Variants in EML5 observed in about 807,000 individuals in gnomAD.
The protein encoded by EML5 is EMAP like 5, also known as echinoderm microtubule-associated protein-like 5.
A neutral mutation model predicts 250.0 loss-of-function variants in EML5; 120 were observed. That is an observed-to-expected ratio of 0.48 (90% CI 0.41 to 0.56). The LOEUF (loss-of-function observed/expected upper bound fraction) is 0.56, where lower values mean the gene tolerates loss of function less well. Ranked by LOEUF, EML5 falls within the 20% of genes least tolerant of loss-of-function variation. The pLI is 0.00. For missense variants in EML5, 2,006 were observed against 2,437.6 expected (o/e 0.82, Z 3.73); for synonymous variants, 771 against 806.5 (o/e 0.96, Z 0.75).
chr14:88,643,982 T>G (rs2091213953), intron 30 of EML5, among the ~76,000 whole-genome samples: 1 of 152,202 alleles, frequency 6.6e-6, no homozygotes, highest in African/African-American at 2.4e-5. Flanking sequence ...AATTATTACG[T>G]AAGGTTACTT....
Position 88,626,854 on chromosome 14 carries a change from G to A in EML5, c.4724C>T (p.Ala1575Val), listed in dbSNP as rs978813099. 1 of 1,613,886 alleles carries A rather than the reference G, an allele frequency of 6.2e-7. No individual in the cohort carries two copies. Among genetic ancestry groups the A allele is most frequent in the Non-Finnish European group, 8.5e-7 (1 of 1,179,842 alleles). The part of the protein sequence containing the change: ...LEDARMQTML[A>V]IAFGANNLTF... ...GAGACATACTGCACCAAATGCAATAGCGAGCATGGTCTGCATCCGGGCATC... is the reference window on the plus strand; with the variant it reads ...GAGACATACTGCACCAAATGCAATAACGAGCATGGTCTGCATCCGGGCATC... Residue 1575 changes from alanine to valine, a missense_variant, in exon 35 of 44, where the codon GCT becomes GTT. Physicochemically the swap from Ala to Val is moderately conservative, Grantham distance 64 (BLOSUM62 0). Coordinates refer to ENST00000554922, the MANE Select transcript of EML5 (RefSeq NM_183387.3).
intron 8 of EML5, among the ~76,000 whole-genome samples, chr14:88,715,614 T>A (rs1215382158): frequency 6.6e-6 from 1 of 152,136 alleles, no homozygotes; most frequent in Non-Finnish European, 1.5e-5. Context: ...AAAATTACAT[T>A]TAGGAAATAA....
At chr14:88,674,967 C>T (rs1427948844) in intron 21 of EML5, among the ~76,000 whole-genome samples, 2 of 152,214 alleles carry the variant, frequency 1.3e-5, no homozygotes, top group South Asian at 2.1e-4. Flanking sequence ...CCATGCCTCA[C>T]ATCCAGGCCA....
rs61528440 is a variant in EML5 at position 88,713,391 on chromosome 14, CAA to C, written c.1445-910_1445-909del. ...TGGGCAACAGAGCGAAACTCCGTCT[CAA>C]AAAAAAAAAATACTAATAGGTAATA... On this transcript the variant is annotated intron_variant, in intron 9 of 43. Coordinates refer to ENST00000554922, the MANE Select transcript of EML5 (RefSeq NM_183387.3). 3.7e-4 allele frequency among the ~76,000 whole-genome samples: 54 copies of C among 147,724 alleles called. 1 individual carries two copies. The highest frequency in any genetic ancestry group is 7.7e-4 in the African/African-American group (31 of 40,472).
intron 1 of EML5, among the ~76,000 whole-genome samples, chr14:88,756,973 G>A (rs1036559433): frequency 6.6e-5 from 10 of 152,156 alleles, no homozygotes; most frequent in Non-Finnish European, 1.5e-4. Context: ...AAACTGACAA[G>A]CTGATTCTAA....
intron 7 of EML5, among the ~76,000 whole-genome samples, chr14:88,732,183 G>T (rs1036639334): frequency 6.6e-6 from 1 of 152,126 alleles, no homozygotes; most frequent in Non-Finnish European, 1.5e-5. Context: ...TCCTTCTAGG[G>T]TTTTTATGGT....
chr14:88,727,271 G>A (rs192956614), intron 7 of EML5, among the ~76,000 whole-genome samples: 160 of 152,112 alleles, frequency 1.1e-3, no homozygotes, highest in Admixed American at 1.3e-3. Context: ...TGCACATAGC[G>A]GTCAAAATTC....
chr14:88,616,950 T>C, intron 41 of EML5, 71 bp from the exon 42 acceptor site: 5 of 1,487,438 alleles, frequency 3.4e-6, no homozygotes, highest in Non-Finnish European at 4.6e-6. Context: ...AAAAAGTTTC[T>C]TGGCAATTAA....
At chr14:88,740,680 A>G in intron 4 of EML5, 108 bp from the exon 5 acceptor site, 2 of 964,992 alleles carry the variant, frequency 2.1e-6, no homozygotes, top group South Asian at 2.3e-5. Flanking sequence ...AAAATTAACT[A>G]AGAAATTGCC....
At chr14:88,683,555 C>G (rs2092761964) in intron 20 of EML5, among the ~76,000 whole-genome samples, 1 of 152,148 alleles carries the variant, frequency 6.6e-6, no homozygotes. Context: ...ACCAATATCT[C>G]TTATAAATAC....
At chr14:88,624,249 GT>G (rs1479545220) in intron 36 of EML5, 2 of 152,026 alleles carry the variant, frequency 1.3e-5, no homozygotes, top group African/African-American at 4.8e-5. Context: ...GCTAATTGTT[GT>G]TTTTTATAGC....
intron 8 of EML5, among the ~76,000 whole-genome samples, chr14:88,721,275 T>C (rs951247511): frequency 1.3e-5 from 2 of 152,050 alleles, no homozygotes; most frequent in Non-Finnish European, 2.9e-5. Flanking sequence ...ACTTAAGACA[T>C]CATATGGAAC....
chr14:88,695,211 A>G lies in EML5; in HGVS notation c.2438+150T>C, dbSNP rs1428795869. On this transcript the variant is annotated intron_variant, in intron 16 of 43. Coordinates refer to ENST00000554922, the MANE Select transcript of EML5 (RefSeq NM_183387.3). ...CAAAGAAATTCTGAAATCATTTACT[A>G]TGATTATATTATTTATTCAATGGTA... The G allele has an allele frequency of 1.2e-5, 4 of 346,722 alleles. 1 individual carries two copies. The highest frequency in any genetic ancestry group is 2.0e-5 in the Non-Finnish European group (4 of 199,356). 21.5% of individuals were successfully genotyped at this position (346,722 alleles called of 1,614,324 possible). A position where few individuals can be genotyped will look rare whatever the true frequency, so the allele number is the denominator to read the frequency against.
intron 23 of EML5, 78 bp downstream of exon 23, chr14:88,664,415 C>T (rs1467409994): frequency 9.1e-6 from 11 of 1,209,098 alleles, no homozygotes; most frequent in Non-Finnish European, 1.2e-5. Context: ...TCTGTTGAAT[C>T]ACTTTTCCGT....
chr14:88,615,963 CTT>C, intron 43 of EML5, 109 bp from the exon 44 acceptor site: 1 of 1,330,972 alleles, frequency 7.5e-7, no homozygotes, highest in Non-Finnish European at 1.0e-6. Flanking sequence ...TATTTTTCCT[CTT>C]TAACTCCTTT....
chr14:88,614,571 T>G lies in EML5; in HGVS notation c.*1247A>C, dbSNP rs2087300817. ...TAAAGATAATTAACACATTAAAAAC[T>G]CATAGGGTCAATACAGCATCTTAAA... On this transcript the variant is annotated 3_prime_UTR_variant, in exon 44 of 44. Coordinates refer to ENST00000554922, the MANE Select transcript of EML5 (RefSeq NM_183387.3). The G allele has an allele frequency of 6.6e-6, 1 of 152,210 alleles. No individual in the cohort carries two copies. The highest frequency in any genetic ancestry group is 2.4e-5 in the African/African-American group (1 of 41,452). 9.4% of individuals were successfully genotyped at this position (152,210 alleles called of 1,614,324 possible). A position where few individuals can be genotyped will look rare whatever the true frequency, so the allele number is the denominator to read the frequency against.
At chr14:88,789,791 T>TA (rs1288418449) in intron 1 of EML5, among the ~76,000 whole-genome samples, 1 of 152,238 alleles carries the variant, frequency 6.6e-6, no homozygotes, top group African/African-American at 2.4e-5. Flanking sequence ...ACCACCAACA[T>TA]TGCACTCACA....
At chr14:88,656,797 T>C (rs1427952685) in intron 27 of EML5, among the ~76,000 whole-genome samples, 2 of 152,180 alleles carry the variant, frequency 1.3e-5, no homozygotes, top group Admixed American at 6.5e-5. Context: ...CTTTTCAAAA[T>C]TGAATCACAA....
chr14:88,693,763 C>CTTTTTTTTTTTTTTTT, intron 17 of EML5, among the ~76,000 whole-genome samples: 1 of 62,846 alleles, frequency 1.6e-5, no homozygotes, highest in Non-Finnish European at 2.7e-5. Context: ...ATGTTAACAT[C>CTTTTTTTTTTTTTTTT]TTTTTTTTTT....
Sources: gnomAD v4.1 joint callset for allele counts (sites outside exome capture counted in the v4.1 genomes callset) on GRCh38, gnomAD v4.1.1 for gene constraint, MANE v1.5 for transcripts, NCBI Gene and HGNC (gene_info 2026-07-23, HGNC 2026-07-21) for gene names.